The following CNTN6 variants were observed in gnomAD, a reference collection of about 807,000 sequenced individuals.
CNTN6 encodes the protein contactin-6.
A neutral mutation model predicts 122.8 loss-of-function variants in CNTN6; 137 were observed. The ratio of observed to expected loss-of-function variants is 1.12; its 90% CI spans 0.97 to 1.29. CNTN6 has a LOEUF of 1.29. CNTN6 is among the 50% of genes most tolerant of loss of function. The pLI is 0.00. For missense variants in CNTN6, 1,634 were observed against 1,223.4 expected, an observed-to-expected ratio of 1.34 and a Z score of -5.01; for synonymous variants, 570 against 426.0, an observed-to-expected ratio of 1.34 and a Z score of -4.16.
intron 3 of CNTN6, among the ~76,000 whole-genome samples, chr3:1,224,628 A>T (rs2125538670): frequency 6.6e-6 from 1 of 152,342 alleles, no homozygotes; most frequent in Middle Eastern, 3.4e-3. Context: ...GTAATTCTAA[A>T]GCACAGCCTA....
intron 4 of CNTN6, among the ~76,000 whole-genome samples, chr3:1,263,302 A>T (rs1159315190): frequency 6.6e-6 from 1 of 152,178 alleles, no homozygotes; most frequent in South Asian, 2.1e-4. Flanking sequence ...CAACTATGTG[A>T]ACACTCTTTT....
intron 1 of CNTN6, among the ~76,000 whole-genome samples, chr3:1,126,037 G>A (rs992776477): frequency 4.6e-5 from 7 of 151,786 alleles, no homozygotes; most frequent in Non-Finnish European, 1.0e-4. Flanking sequence ...CGCTAGAATC[G>A]TAGGAATTCT....
intron 12 of CNTN6, 48 bp from the exon 13 acceptor site, chr3:1,372,251 T>C (rs1399057163): frequency 9.1e-6 from 13 of 1,430,758 alleles, no homozygotes; most frequent in African/African-American, 1.4e-5. Context: ...TTTATAACCA[T>C]AGGCTAGCAT....
At chr3:1,387,008 G>C (rs945234394) in intron 20 of CNTN6, among the ~76,000 whole-genome samples, 1 of 151,970 alleles carries the variant, frequency 6.6e-6, no homozygotes, top group Non-Finnish European at 1.5e-5. Context: ...CACACAACCA[G>C]ATCAACTGTC....
At chr3:1,211,731 C>T (rs770996357) in intron 2 of CNTN6, among the ~76,000 whole-genome samples, 2 of 151,916 alleles carry the variant, frequency 1.3e-5, no homozygotes, top group Non-Finnish European at 2.9e-5. Context: ...GTTTTATGGA[C>T]GATGGATATT....
intron 2 of CNTN6, among the ~76,000 whole-genome samples, chr3:1,154,190 A>G (rs2092909290): frequency 9.1e-6 from 1 of 110,280 alleles, no homozygotes; most frequent in African/African-American, 3.8e-5. Flanking sequence ...GAATGTAGGA[A>G]AAAAAATTAT....
intron 19 of CNTN6, among the ~76,000 whole-genome samples, chr3:1,383,861 C>G (rs2126184348): frequency 6.6e-6 from 1 of 152,226 alleles, no homozygotes; most frequent in Non-Finnish European, 1.5e-5. Context: ...AGGGTGGTAA[C>G]CTCCAGGCCA....
chr3:1,164,837 T>C (rs1456299599), intron 2 of CNTN6, among the ~76,000 whole-genome samples: 1 of 152,200 alleles, frequency 6.6e-6, no homozygotes, highest in Non-Finnish European at 1.5e-5. Flanking sequence ...AGTACTGTGC[T>C]TTACCTAGGG....
intron 11 of CNTN6, among the ~76,000 whole-genome samples, chr3:1,349,653 T>C (rs1441090748): frequency 6.6e-6 from 1 of 151,916 alleles, no homozygotes; most frequent in Non-Finnish European, 1.5e-5. Context: ...CTTCACTGAG[T>C]GTTCCTTCTT....
chr3:1,212,474 T>C (rs2094056601), intron 2 of CNTN6, among the ~76,000 whole-genome samples: 1 of 150,686 alleles, frequency 6.6e-6, no homozygotes, highest in African/African-American at 2.4e-5. Context: ...TATATACACA[T>C]ACATGTGTGT....
At chr3:1,120,491 T>G (rs1187044541) in intron 1 of CNTN6, among the ~76,000 whole-genome samples, 1 of 151,992 alleles carries the variant, frequency 6.6e-6, no homozygotes, top group East Asian at 1.9e-4. Flanking sequence ...ATATTTTACT[T>G]TGTAAAGTGT....
Position 1,372,433 on chromosome 3 carries a change from G to A in CNTN6, c.1627G>A (p.Asp543Asn), listed in dbSNP as rs376637146. 1 of 1,612,186 alleles carries A rather than the reference G, an allele frequency of 6.2e-7. No homozygotes were observed. The highest frequency in any genetic ancestry group is 8.5e-7 in the Non-Finnish European group (1 of 1,179,246). ...ATGGTTTTTCAATGGAGATGTCATA[G>A]ACTTAAAAAAAGGAGTGGCTCATTT... The part of the protein sequence containing the change: ...FVWFFNGDVI[D>N]LKKGVAHFER... Residue 543 changes from aspartate (D) to asparagine (N), a missense_variant, in exon 13 of 23, where the codon GAC becomes AAC. Transcript: ENST00000446702.
At chr3:1,151,837 A>C (rs2092849666) in intron 2 of CNTN6, among the ~76,000 whole-genome samples, 1 of 152,174 alleles carries the variant, frequency 6.6e-6, no homozygotes, top group South Asian at 2.1e-4. Context: ...ATAAATGCTT[A>C]TTCACTAATG....
Position 1,372,281 on chromosome 3 carries a change from A to C in CNTN6, c.1493-18A>C. On this transcript the variant is annotated intron_variant, in intron 12 of 22. Transcript: ENST00000446702. ...TAGCATTTCATAAGCTTTAAAAAAT[A>C]ATTTTTTTTCTCAACAGAGAGAACT... 2 of 1,573,922 alleles carry C rather than the reference A, an allele frequency of 1.3e-6. No individual in the cohort carries two copies. Among genetic ancestry groups the C allele is most frequent in the South Asian group, 2.4e-5 (2 of 84,678 alleles).
At chr3:1,259,647 T>A (rs2094813027) in intron 4 of CNTN6, among the ~76,000 whole-genome samples, 2 of 152,046 alleles carry the variant, frequency 1.3e-5, no homozygotes, top group African/African-American at 2.4e-5. Flanking sequence ...ATGAGTTGAG[T>A]CTTTAAATTC....
chr3:1,206,479 A>C (rs1417538213), intron 2 of CNTN6, among the ~76,000 whole-genome samples: 1 of 152,066 alleles, frequency 6.6e-6, no homozygotes, highest in African/African-American at 2.4e-5. Context: ...CACTCAAGGT[A>C]TTGTCTTCTC....
At chr3:1,304,916 A>G (rs400679) in intron 7 of CNTN6, among the ~76,000 whole-genome samples, 42,904 of 145,660 alleles carry the variant, frequency 0.29, 9,700 homozygotes, top group African/African-American at 0.64. Flanking sequence ...GCTTGAACTC[A>G]GAGGGTGGAA....
intron 22 of CNTN6, 49 bp from the exon 23 acceptor site, chr3:1,403,269 G>C: frequency 1.6e-6 from 2 of 1,225,028 alleles, no homozygotes; most frequent in Non-Finnish European, 2.4e-6. Flanking sequence ...TAATCTAACA[G>C]GCAATACTTT....
chr3:1,290,971 C>G (rs568552095), intron 5 of CNTN6, among the ~76,000 whole-genome samples: 1 of 152,258 alleles, frequency 6.6e-6, no homozygotes, highest in African/African-American at 2.4e-5. Context: ...AATGCCTTAA[C>G]TTTCTGCAAA....
Sources: gnomAD v4.1 joint callset for allele counts (sites outside exome capture counted in the v4.1 genomes callset) on GRCh38, gnomAD v4.1.1 for gene constraint, MANE v1.5 for transcripts, NCBI Gene and HGNC (gene_info 2026-07-23, HGNC 2026-07-21) for gene names.